RAPGEF2: variants seen among roughly 807,000 people sequenced by gnomAD.
RAPGEF2 encodes PDZ domain containing guanine nucleotide exchange factor (GEF) 1.
RAPGEF2 carries 54 observed loss-of-function variants against 186.7 expected under a neutral mutation model. That is an observed-to-expected ratio of 0.29 (90% CI 0.23 to 0.36). The LOEUF (loss-of-function observed/expected upper bound fraction) is 0.36, where lower values mean the gene tolerates loss of function less well. Ranked by LOEUF, RAPGEF2 falls within the 10% of genes least tolerant of loss-of-function variation. RAPGEF2 has a pLI of 1.00. For synonymous variants in RAPGEF2, 712 were observed against 705.9 expected (o/e 1.01, Z -0.14); for missense variants, 1,532 against 2,045.0 (o/e 0.75, Z 4.84).
chr4:159,294,595 G>A (rs997063975), intron 7 of RAPGEF2, among the ~76,000 whole-genome samples: 2 of 151,504 alleles, frequency 1.3e-5, no homozygotes, highest in African/African-American at 4.8e-5. Context: ...TGTTACTGAG[G>A]GTTTTGGACA....
At chr4:159,345,550 G>T (rs950241683) in intron 24 of RAPGEF2, among the ~76,000 whole-genome samples, 4 of 152,202 alleles carry the variant, frequency 2.6e-5, no homozygotes, top group African/African-American at 9.6e-5. Context: ...AGATGACACT[G>T]TCCACATCTA....
chr4:159,141,258 T>A (rs1742295231), intron 1 of RAPGEF2, among the ~76,000 whole-genome samples: 1 of 152,236 alleles, frequency 6.6e-6, no homozygotes, highest in African/African-American at 2.4e-5. Context: ...GATATTTAGA[T>A]ATATTTTGTA....
At position 159,331,708 on chromosome 4, in the gene RAPGEF2, C is replaced by G. The variant is rs188302371; in HGVS notation, c.1654C>G (p.Pro552Ala). The G allele has an allele frequency of 4.3e-6, 7 of 1,614,120 alleles. No individual in the cohort carries two copies. In the East Asian group the frequency reaches 1.6e-4, roughly 36 times the overall value. The change falls in exon 15 of 30, where the codon CCA becomes GCA. Residue 552 changes from proline to alanine, a missense_variant. By Grantham distance (27) the Pro-to-Ala change is conservative (BLOSUM62 -1). Transcript: ENST00000691494. ...AKRRLMTLTK[P>A]SREAPLPFIL... Reference sequence around the variant, plus strand: ...AAGAAGATTGATGACGTTAACAAAACCATCCCGAGAAGCTCCTTTGCCTTT... The same window carrying G: ...AAGAAGATTGATGACGTTAACAAAAGCATCCCGAGAAGCTCCTTTGCCTTT...
At chr4:159,169,258 T>C (rs1745649993) in intron 1 of RAPGEF2, among the ~76,000 whole-genome samples, 1 of 152,210 alleles carries the variant, frequency 6.6e-6, no homozygotes. Flanking sequence ...AAATGTGTGT[T>C]TAATTAAATA....
At position 159,235,341 on chromosome 4, in the gene RAPGEF2, TTAA is replaced by T. The variant is rs200038753; in HGVS notation, c.282-3464_282-3462del. On this transcript the variant is annotated intron_variant, in intron 4 of 29. Transcript: ENST00000691494. ...AATGCATTCAAAGACTTCGTTTTTA[TTAA>T]TAACTTTTAACTGAAAGCTGAGAAC... Among the ~76,000 whole-genome samples, 885 of 152,346 alleles carry T rather than the reference TTAA, an allele frequency of 5.8e-3. 10 individuals are homozygous for T. The highest frequency in any genetic ancestry group is 0.02 in the African/African-American group (833 of 41,570).
intron 7 of RAPGEF2, among the ~76,000 whole-genome samples, chr4:159,295,993 TTATAATTC>T (rs1487355705): frequency 6.6e-6 from 1 of 152,178 alleles, no homozygotes. Flanking sequence ...CTTGGAATGT[TTATAATTC>T]ACATGATGGA....
intron 9 of RAPGEF2, among the ~76,000 whole-genome samples, chr4:159,315,465 T>C (rs1048537199): frequency 6.6e-6 from 1 of 152,238 alleles, no homozygotes; most frequent in East Asian, 1.9e-4. Context: ...TCTCTCCCCA[T>C]GTGCAGAGAC....
At chr4:159,123,512 G>A (rs1278657194) in intron 1 of RAPGEF2, among the ~76,000 whole-genome samples, 1 of 150,724 alleles carries the variant, frequency 6.6e-6, no homozygotes. Flanking sequence ...AACTGTGTGT[G>A]TCTGTGGGTG....
intron 17 of RAPGEF2, among the ~76,000 whole-genome samples, chr4:159,334,461 C>T (rs1394278808): frequency 6.6e-6 from 1 of 151,984 alleles, no homozygotes; most frequent in Admixed American, 6.6e-5. Flanking sequence ...TTTGGCCAGG[C>T]TGGTCTCGAT....
At chr4:159,112,219 T>G (rs1738575882) in intron 1 of RAPGEF2, among the ~76,000 whole-genome samples, 1 of 151,860 alleles carries the variant, frequency 6.6e-6, no homozygotes, top group South Asian at 2.1e-4. Context: ...GATTGGGGGG[T>G]TGGTGGTAAA....
intron 4 of RAPGEF2, among the ~76,000 whole-genome samples, chr4:159,227,950 A>G (rs929977704): frequency 2.6e-5 from 4 of 152,214 alleles, no homozygotes; most frequent in African/African-American, 9.7e-5. Flanking sequence ...ACAAAATTGT[A>G]TTGCCAGCAC....
intron 4 of RAPGEF2, among the ~76,000 whole-genome samples, chr4:159,219,347 CTTTTTTTTTTTTTTT>C (rs70962664): frequency 5.2e-4 from 42 of 81,422 alleles, no homozygotes; most frequent in Non-Finnish European, 7.4e-4. Flanking sequence ...CAACTGTATC[CTTTTTTTTTTTTTTT>C]TTTTTTTTTT....
intron 1 of RAPGEF2, among the ~76,000 whole-genome samples, chr4:159,186,414 T>C (rs1462648596): frequency 1.3e-5 from 2 of 152,106 alleles, no homozygotes; most frequent in African/African-American, 2.4e-5. Flanking sequence ...AAGTTAATCA[T>C]TTTATTTTAT....
intron 3 of RAPGEF2, among the ~76,000 whole-genome samples, chr4:159,195,424 TGATAGCC>T (rs1310328011): frequency 7.9e-5 from 12 of 152,222 alleles, no homozygotes; most frequent in Non-Finnish European, 1.3e-4. Context: ...GATGATGAGG[TGATAGCC>T]GACATTTAAC....
chr4:159,138,158 A>G (rs971647697), intron 1 of RAPGEF2, among the ~76,000 whole-genome samples: 3 of 152,188 alleles, frequency 2.0e-5, no homozygotes, highest in Non-Finnish European at 2.9e-5. Flanking sequence ...TAGAGATTTT[A>G]CATTGGTACC....
At chr4:159,289,283 T>G (rs886331270) in intron 7 of RAPGEF2, among the ~76,000 whole-genome samples, 1 of 152,206 alleles carries the variant, frequency 6.6e-6, no homozygotes, top group African/African-American at 2.4e-5. Flanking sequence ...ACTTTATATA[T>G]CTTCATCTGA....
intron 7 of RAPGEF2, among the ~76,000 whole-genome samples, chr4:159,248,614 A>G (rs369603360): frequency 2.0e-5 from 3 of 152,344 alleles, no homozygotes; most frequent in East Asian, 1.9e-4. Flanking sequence ...TAAAGCTGCT[A>G]TAGTGGTCTC....
At chr4:159,117,697 T>C (rs1739197967) in intron 1 of RAPGEF2, among the ~76,000 whole-genome samples, 1 of 152,170 alleles carries the variant, frequency 6.6e-6, no homozygotes, top group Admixed American at 6.5e-5. Flanking sequence ...TTAATCTTGG[T>C]CTCTGTTGTC....
chr4:159,206,693 G>A (rs189211644), intron 3 of RAPGEF2, among the ~76,000 whole-genome samples: 65 of 152,314 alleles, frequency 4.3e-4, no homozygotes, highest in African/African-American at 1.6e-3. Context: ...AGGCATGATT[G>A]TAAGTGAAAA....
Sources: gnomAD v4.1 joint callset for allele counts (sites outside exome capture counted in the v4.1 genomes callset) on GRCh38, gnomAD v4.1.1 for gene constraint, MANE v1.5 for transcripts, NCBI Gene and HGNC (gene_info 2026-07-23, HGNC 2026-07-21) for gene names.